Variants in GALK2 observed in about 807,000 individuals in gnomAD.
GALK2 encodes the protein N-acetylgalactosamine kinase.
Under a neutral mutation model 52.4 loss-of-function variants are expected in GALK2, and 36 were observed. The ratio of observed to expected loss-of-function variants is 0.69; its 90% CI spans 0.53 to 0.91. The LOEUF (loss-of-function observed/expected upper bound fraction) is 0.91, where lower values mean the gene tolerates loss of function less well. GALK2 is among the 40% of genes least tolerant of loss of function. GALK2 has a pLI of 0.00. For missense variants in GALK2, 579 were observed against 559.1 expected, an observed-to-expected ratio of 1.04 and a Z score of -0.36; for synonymous variants, 176 against 199.1, an observed-to-expected ratio of 0.88 and a Z score of 0.98.
chr15:49,262,864 T>A (rs1393076959), intron 5 of GALK2, among the ~76,000 whole-genome samples: 1 of 143,576 alleles, frequency 7.0e-6, no homozygotes, highest in Non-Finnish European at 1.5e-5. Context: ...TCAGTTTCCA[T>A]GTAGTTGAGC....
At position 49,178,195 on chromosome 15, in the gene GALK2, CTATA is replaced by C. The variant is rs71120671; in HGVS notation, c.53+7849_53+7852del. Among the ~76,000 whole-genome samples, 262 of 50,516 alleles carry C rather than the reference CTATA, an allele frequency of 5.2e-3. 5 individuals carry two copies. The highest frequency in any genetic ancestry group is 0.016 in the African/African-American group (199 of 12,552). The allele number at this position is 50,516 out of a possible 152,430, so 33.1% of individuals were successfully genotyped here. On this transcript the variant is annotated intron_variant, in intron 1 of 9. Coordinates refer to ENST00000560031, the MANE Select transcript of GALK2 (RefSeq NM_002044.4). ...AAAAAAAAAAAAAAAAAAAGAAATA[CTATA>C]TATATATATATATATATATATATAT...
intron 1 of GALK2, among the ~76,000 whole-genome samples, chr15:49,190,298 T>C (rs957910861): frequency 2.6e-5 from 4 of 152,232 alleles, no homozygotes; most frequent in South Asian, 2.1e-4. Flanking sequence ...ATTTTTTTTT[T>C]CCATAGAAAT....
intron 5 of GALK2, among the ~76,000 whole-genome samples, chr15:49,264,519 C>T (rs2141650957): frequency 6.6e-6 from 1 of 152,294 alleles, no homozygotes; most frequent in South Asian, 2.1e-4. Flanking sequence ...GTTTGAATGT[C>T]CTCCCAACGT....
chr15:49,277,280 T>C (rs2031936730), intron 5 of GALK2, among the ~76,000 whole-genome samples: 2 of 133,626 alleles, frequency 1.5e-5, no homozygotes, highest in African/African-American at 5.4e-5. Context: ...GCCATTCTCC[T>C]GCCTCAGCCT....
At chr15:49,192,493 A>ATATATATATATATATATG (rs2086824011) in intron 1 of GALK2, among the ~76,000 whole-genome samples, 2 of 28,220 alleles carry the variant, frequency 7.1e-5, no homozygotes, top group Non-Finnish European at 1.6e-4. Context: ...ATGTATATAT[A>ATATATATATATATATATG]TATATATATA....
chr15:49,320,929 G>A (rs1368320714), intron 9 of GALK2, among the ~76,000 whole-genome samples: 1 of 152,192 alleles, frequency 6.6e-6, no homozygotes, highest in East Asian at 1.9e-4. Context: ...GAAGTGGGAT[G>A]GTTGGAATCC....
intron 3 of GALK2, among the ~76,000 whole-genome samples, chr15:49,360,978 G>C (rs1199066012): frequency 6.6e-6 from 1 of 152,022 alleles, no homozygotes; most frequent in Non-Finnish European, 1.5e-5. Context: ...TCCCTCTTGT[G>C]ATTTAGGCAA....
At chr15:49,262,227 T>G (rs1443463733) in intron 5 of GALK2, among the ~76,000 whole-genome samples, 1 of 152,184 alleles carries the variant, frequency 6.6e-6, no homozygotes, top group African/African-American at 2.4e-5. Flanking sequence ...AAGCTATTGA[T>G]TATTGCCACA....
chr15:49,366,427 T>G (rs1567162312), intron 3 of GALK2: 1 of 888,172 alleles, frequency 1.1e-6, no homozygotes, highest in Non-Finnish European at 1.9e-6. Flanking sequence ...CCACAACTGC[T>G]TTGTTCTTTA....
At chr15:49,296,592 A>T (rs1307708996) in intron 8 of GALK2, among the ~76,000 whole-genome samples, 1 of 114,422 alleles carries the variant, frequency 8.7e-6, no homozygotes, top group Non-Finnish European at 1.7e-5. Flanking sequence ...ATATAAGTGC[A>T]TGTGTCTTTT....
chr15:49,239,320 T>C lies in GALK2; in HGVS notation c.457T>C (p.Cys153Arg), dbSNP rs1453891276. 6.2e-7 allele frequency: 1 copy of C among 1,614,050 alleles called. No individual in the cohort carries two copies. The highest frequency in any genetic ancestry group is 8.5e-7 in the Non-Finnish European group (1 of 1,180,008). ...CTCCAGCTCCAGTGCTTTGGTCTGT[T>C]GTGCTGGCTTGGTGACGCTCACAGT... ...GLSSSSALVC[C>R]AGLVTLTVLG... Residue 153 changes from cysteine (C) to arginine (R), a missense_variant, in exon 5 of 10, where the codon TGT (cysteine) becomes CGT (arginine). By Grantham distance (180) the Cys-to-Arg change is radical. Coordinates refer to ENST00000560031, the MANE Select transcript of GALK2 (RefSeq NM_002044.4).
At chr15:49,210,190 GT>G (rs149224798) in intron 2 of GALK2, among the ~76,000 whole-genome samples, 37,542 of 151,080 alleles carry the variant, frequency 0.25, 4,928 homozygotes, top group African/African-American at 0.31. Context: ...CTCCTTTTCT[GT>G]TTTTTTTAAT....
chr15:49,331,786 A>T lies in GALK2; in HGVS notation c.*3627A>T, dbSNP rs2038808493. 6.3e-7 allele frequency: 1 copy of T among 1,593,458 alleles called. No individual in the cohort carries two copies. The highest frequency in any genetic ancestry group is 1.3e-5 in the African/African-American group (1 of 74,506). The stretch of plus-strand genomic sequence containing the variant: ...TTTCAGAAAGAAAACCTACCAGTTT[A>T]TGTAGGAACTTCTCAAAGTCCTGTT... On this transcript the variant is annotated 3_prime_UTR_variant, in exon 10 of 10. Transcript: ENST00000560031.
chr15:49,269,429 C>T (rs762181499), intron 5 of GALK2, among the ~76,000 whole-genome samples: 5 of 152,048 alleles, frequency 3.3e-5, no homozygotes, highest in Admixed American at 1.3e-4. Context: ...GCCCAAGAAC[C>T]CACATTTTGG....
At chr15:49,178,296 TG>T (rs1405868540) in intron 1 of GALK2, 1 of 129,630 alleles carries the variant, frequency 7.7e-6, no homozygotes, top group Non-Finnish European at 1.7e-5. Context: ...CATATATACA[TG>T]TACATATATG....
intron 5 of GALK2, among the ~76,000 whole-genome samples, chr15:49,262,875 A>G (rs201433966): frequency 0.36 from 45,358 of 127,056 alleles, 8,358 homozygotes; most frequent in Non-Finnish European, 0.38. Context: ...GTAGTTGAGC[A>G]GTTTTGAGTG....
intron 9 of GALK2, among the ~76,000 whole-genome samples, chr15:49,325,294 A>G (rs1419049146): frequency 2.6e-5 from 4 of 152,182 alleles, no homozygotes; most frequent in Non-Finnish European, 5.9e-5. Flanking sequence ...ATTATTCCCA[A>G]TCTAGTCATC....
At chr15:49,278,193 G>T (rs1010116414) in intron 5 of GALK2, among the ~76,000 whole-genome samples, 2 of 152,166 alleles carry the variant, frequency 1.3e-5, no homozygotes, top group African/African-American at 4.8e-5. Flanking sequence ...CCCGGGAGGC[G>T]GAGCTTGCAG....
rs149663953 is a variant in GALK2, at chr15:49,176,225, T to G, written c.53+5850T>G. Among the ~76,000 whole-genome samples, 439 of 152,408 alleles carry G rather than the reference T, an allele frequency of 2.9e-3. 2 individuals are homozygous for G. Among genetic ancestry groups the G allele is most frequent in the Middle Eastern group, 6.8e-3 (2 of 294 alleles). The stretch of plus-strand genomic sequence containing the variant: ...TTTTGTTCCTGACTTCCCCTGTTCC[T>G]GCTTCCCCTGTTATCTTGATGTTCC... On this transcript the variant is annotated intron_variant, in intron 1 of 9. Transcript: ENST00000560031.
Sources: allele counts gnomAD v4.1 joint callset (sites outside exome capture counted in the v4.1 genomes callset), GRCh38; gene constraint gnomAD v4.1.1; transcripts MANE v1.5; gene names NCBI Gene and HGNC (gene_info 2026-07-23, HGNC 2026-07-21).